The following LRP1B variants were observed in gnomAD, a reference collection of about 807,000 sequenced individuals.
LRP1B encodes low-density lipoprotein receptor-related protein 1B.
In LRP1B, 217 loss-of-function variants were observed where a neutral mutation model predicts 556.6. The observed-to-expected ratio is 0.39, with a 90% confidence interval of 0.35 to 0.44. The LOEUF is 0.44. Ranked by LOEUF, LRP1B falls within the 20% of genes least tolerant of loss-of-function variation. The pLI is 1.00. For synonymous variants in LRP1B, 2,047 were observed against 1,865.8 expected (o/e 1.10, Z -2.50); for missense variants, 5,053 against 5,620.8 (o/e 0.90, Z 3.23).
chr2:141,287,472 A>G (rs1685765293), intron 3 of LRP1B, among the ~76,000 whole-genome samples: 1 of 151,798 alleles, frequency 6.6e-6, no homozygotes, highest in Non-Finnish European at 1.5e-5. Flanking sequence ...ACAGGTGCCC[A>G]CCACCATGCC....
At chr2:141,125,715 T>A (rs971978795) in intron 7 of LRP1B, among the ~76,000 whole-genome samples, 23 of 152,024 alleles carry the variant, frequency 1.5e-4, no homozygotes, top group African/African-American at 5.3e-4. Flanking sequence ...AAATATCTTC[T>A]CTCTGTGTAC....
chr2:141,218,693 A>G (rs1682913634), intron 6 of LRP1B, among the ~76,000 whole-genome samples: 1 of 152,218 alleles, frequency 6.6e-6, no homozygotes, highest in East Asian at 1.9e-4. Context: ...TATTTGGGTG[A>G]CAGATTCAGT....
chr2:141,455,928 C>T (rs1309446942), intron 3 of LRP1B, among the ~76,000 whole-genome samples: 3 of 152,210 alleles, frequency 2.0e-5, no homozygotes, highest in Non-Finnish European at 4.4e-5. Context: ...CACACTAGTT[C>T]ATCAAGGTAG....
At chr2:141,139,825 C>T (rs1351970354) in intron 7 of LRP1B, among the ~76,000 whole-genome samples, 1 of 147,604 alleles carries the variant, frequency 6.8e-6, no homozygotes, top group Non-Finnish European at 1.5e-5. Flanking sequence ...GTGTGTATCA[C>T]ATAACCTATC....
At chr2:140,675,677 T>G (rs1197737789) in intron 41 of LRP1B, among the ~76,000 whole-genome samples, 1 of 152,176 alleles carries the variant, frequency 6.6e-6, no homozygotes, top group East Asian at 1.9e-4. Context: ...CTCAGGAAGC[T>G]GAGGAGAAAG....
Position 140,274,498 on chromosome 2 carries a change from A to G in LRP1B, c.13068T>C (p.Cys4356=), listed in dbSNP as rs1349734806. 1 of 1,612,494 alleles carries G rather than the reference A, an allele frequency of 6.2e-7. No individual in the cohort carries two copies. The highest frequency in any genetic ancestry group is 1.3e-5 in the African/African-American group (1 of 74,804). ...VCPTRYEGPK[C]EVDKCVRCHG... is the part of the protein sequence containing the mutation. ...GGCACCTTACACACTTGTCAACCTC[A>G]CATTTTGGTCCTTCATAGCGCGTTG... The change falls in exon 85 of 91, where the codon TGT becomes TGC. Residue 4356 remains cysteine, a synonymous_variant. Coordinates refer to ENST00000389484, the MANE Select transcript of LRP1B (RefSeq NM_018557.3).
intron 3 of LRP1B, among the ~76,000 whole-genome samples, chr2:141,422,739 T>C (rs1680188396): frequency 6.6e-6 from 1 of 152,230 alleles, no homozygotes. Context: ...TGACTCTCCA[T>C]CTGTCTCTTT....
chr2:140,248,752 C>T (rs1681279128), intron 86 of LRP1B, among the ~76,000 whole-genome samples: 1 of 151,040 alleles, frequency 6.6e-6, no homozygotes, highest in South Asian at 2.1e-4. Flanking sequence ...TAATCATTGA[C>T]ACAGTCCACG....
chr2:141,298,427 C>G (rs1000698024), intron 3 of LRP1B, among the ~76,000 whole-genome samples: 1 of 152,104 alleles, frequency 6.6e-6, no homozygotes, highest in Non-Finnish European at 1.5e-5. Flanking sequence ...AGAATGTGGA[C>G]AATTTGTCAT....
intron 6 of LRP1B, among the ~76,000 whole-genome samples, chr2:141,200,634 C>T (rs189150865): frequency 1.9e-3 from 282 of 152,172 alleles, no homozygotes; most frequent in African/African-American, 6.3e-3. Flanking sequence ...CATACATACA[C>T]GCATACACAC....
chr2:141,066,667 T>TC (rs768264895), intron 7 of LRP1B, among the ~76,000 whole-genome samples: 4 of 151,944 alleles, frequency 2.6e-5, no homozygotes, highest in Non-Finnish European at 5.9e-5. Context: ...GCATGGTCAG[T>TC]CCCCGTCCTT....
chr2:141,905,765 A>AGTGTG (rs1699737922), intron 1 of LRP1B, among the ~76,000 whole-genome samples: 1 of 100,194 alleles, frequency 1.0e-5, no homozygotes, highest in Non-Finnish European at 2.2e-5. Flanking sequence ...GTTTGAATAG[A>AGTGTG]TGTGTGTGTG....
At chr2:140,581,405 T>G (rs780170740) in intron 43 of LRP1B, among the ~76,000 whole-genome samples, 6 of 152,130 alleles carry the variant, frequency 3.9e-5, no homozygotes, top group Non-Finnish European at 7.4e-5. Context: ...CTCAGCACAT[T>G]TTGCTTGCAC....
chr2:141,300,014 G>T (rs1686326976), intron 3 of LRP1B, among the ~76,000 whole-genome samples: 1 of 152,108 alleles, frequency 6.6e-6, no homozygotes, highest in Non-Finnish European at 1.5e-5. Flanking sequence ...CCCATAAATG[G>T]GATTAATTCC....
chr2:140,828,996 T>A (rs1691623575), intron 31 of LRP1B, among the ~76,000 whole-genome samples: 1 of 152,032 alleles, frequency 6.6e-6, no homozygotes, highest in South Asian at 2.1e-4. Context: ...TTATAGTAGA[T>A]AAAACAGACT....
At chr2:141,873,114 T>C (rs150395437) in intron 1 of LRP1B, among the ~76,000 whole-genome samples, 196 of 152,100 alleles carry the variant, frequency 1.3e-3, no homozygotes, top group African/African-American at 4.4e-3. Flanking sequence ...GAATGGCACA[T>C]AAATATGCTA....
chr2:141,274,957 G>A (rs73962895), intron 3 of LRP1B, among the ~76,000 whole-genome samples: 14,908 of 152,030 alleles, frequency 0.098, 853 homozygotes, highest in East Asian at 0.16. Context: ...CTTTTCTCAG[G>A]AAGCTTATAC....
intron 53 of LRP1B, among the ~76,000 whole-genome samples, chr2:140,503,444 C>G (rs1194186927): frequency 6.6e-6 from 1 of 152,026 alleles, no homozygotes; most frequent in Non-Finnish European, 1.5e-5. Context: ...TTAGAATTAG[C>G]TTGGTTAGGT....
intron 2 of LRP1B, among the ~76,000 whole-genome samples, chr2:141,540,990 C>CA (rs5834843): frequency 0.073 from 11,113 of 151,772 alleles, 537 homozygotes; most frequent in South Asian, 0.14. Flanking sequence ...AATATAACAT[C>CA]AAAAAAACAA....
Sources: gnomAD v4.1 joint callset for allele counts (sites outside exome capture counted in the v4.1 genomes callset) on GRCh38, gnomAD v4.1.1 for gene constraint, MANE v1.5 for transcripts, NCBI Gene and HGNC (gene_info 2026-07-23, HGNC 2026-07-21) for gene names.